The following UBE3D variants were observed in gnomAD, a reference collection of about 807,000 sequenced individuals.
UBE3D encodes the protein ubiquitin protein ligase E3D, also known as E3 ubiquitin-protein ligase E3D.
In UBE3D, 48 loss-of-function variants were observed where a neutral mutation model predicts 49.6. The observed-to-expected ratio is 0.97, with a 90% CI of 0.77 to 1.23. The LOEUF is 1.23. Among genes scored for constraint, UBE3D ranks in the 50% most tolerant of loss-of-function variants. The probability of loss-of-function intolerance (pLI) is 0.00; values close to 1 mark genes in which losing one functional copy is unlikely to be tolerated. For synonymous variants in UBE3D, 189 were observed against 174.2 expected (o/e 1.08, Z -0.67); for missense variants, 452 against 468.4 (o/e 0.96, Z 0.32).
intron 9 of UBE3D, among the ~76,000 whole-genome samples, chr6:82,930,340 C>T (rs1371911949): frequency 3.3e-5 from 5 of 152,106 alleles, no homozygotes; most frequent in Non-Finnish European, 7.3e-5. Flanking sequence ...TGAATTAATA[C>T]AGTAGATTGT....
At chr6:82,996,833 A>G (rs1445129047) in intron 8 of UBE3D, among the ~76,000 whole-genome samples, 4 of 152,240 alleles carry the variant, frequency 2.6e-5, no homozygotes, top group African/African-American at 9.6e-5. Flanking sequence ...TCTAGAGAAG[A>G]CAAAGGAGAT....
At chr6:82,958,504 G>T (rs1484245062) in intron 8 of UBE3D, among the ~76,000 whole-genome samples, 1 of 152,136 alleles carries the variant, frequency 6.6e-6, no homozygotes, top group Non-Finnish European at 1.5e-5. Flanking sequence ...AGTGGTTTGG[G>T]ACATAATGGA....
chr6:82,914,157 T>C (rs952754349), intron 9 of UBE3D, among the ~76,000 whole-genome samples: 1 of 152,192 alleles, frequency 6.6e-6, no homozygotes, highest in African/African-American at 2.4e-5. Context: ...GTATAGTGTG[T>C]TTAGGTGGTT....
chr6:82,945,068 G>A (rs912184374), intron 9 of UBE3D, among the ~76,000 whole-genome samples: 1 of 152,264 alleles, frequency 6.6e-6, no homozygotes, highest in Non-Finnish European at 1.5e-5. Context: ...ACACAAGGCT[G>A]CTGGCTTTAC....
At chr6:82,961,855 G>A (rs1478901346) in intron 8 of UBE3D, among the ~76,000 whole-genome samples, 6 of 151,830 alleles carry the variant, frequency 4.0e-5, no homozygotes, top group African/African-American at 7.3e-5. Context: ...CCAGCTACTC[G>A]GGAGGCTGAG....
chr6:82,944,512 C>T (rs1270777110), intron 9 of UBE3D, among the ~76,000 whole-genome samples: 1 of 152,200 alleles, frequency 6.6e-6, no homozygotes, highest in Non-Finnish European at 1.5e-5. Flanking sequence ...TTGCTGACTT[C>T]AGCTGAGACA....
chr6:82,932,088 T>C (rs1356781510), intron 9 of UBE3D, among the ~76,000 whole-genome samples: 2 of 152,180 alleles, frequency 1.3e-5, no homozygotes, highest in African/African-American at 4.8e-5. Flanking sequence ...GTGACATGTG[T>C]TCACTTCCCC....
intron 9 of UBE3D, among the ~76,000 whole-genome samples, chr6:82,950,348 CA>C (rs1251860587): frequency 6.6e-6 from 1 of 152,016 alleles, no homozygotes; most frequent in African/African-American, 2.4e-5. Context: ...GGCTTTTATC[CA>C]AAAGACAGGC....
intron 9 of UBE3D, among the ~76,000 whole-genome samples, chr6:82,936,583 T>A (rs1038412690): frequency 2.0e-5 from 3 of 152,202 alleles, no homozygotes; most frequent in African/African-American, 7.2e-5. Context: ...GCCAATTTAG[T>A]CTGTGCTCTG....
intron 4 of UBE3D, among the ~76,000 whole-genome samples, chr6:83,038,943 T>C (rs1782456887): frequency 6.6e-6 from 1 of 152,152 alleles, no homozygotes; most frequent in Non-Finnish European, 1.5e-5. Context: ...CCATAACCCT[T>C]AACTACAATA....
chr6:82,965,142 A>G (rs1776819826), intron 8 of UBE3D, among the ~76,000 whole-genome samples: 3 of 152,208 alleles, frequency 2.0e-5, no homozygotes, highest in African/African-American at 7.2e-5. Flanking sequence ...CATTGGGAAA[A>G]TGGTTCTCAT....
intron 8 of UBE3D, among the ~76,000 whole-genome samples, chr6:82,971,472 C>A (rs1777347563): frequency 6.6e-6 from 1 of 151,868 alleles, no homozygotes; most frequent in Non-Finnish European, 1.5e-5. Flanking sequence ...GGGCCAAACT[C>A]AGCTGACACT....
intron 9 of UBE3D, among the ~76,000 whole-genome samples, chr6:82,955,273 C>A (rs539572084): frequency 5.3e-5 from 8 of 152,306 alleles, no homozygotes; most frequent in Admixed American, 3.9e-4. Flanking sequence ...CTTTTAATTT[C>A]TTTAAGACTT....
At chr6:82,899,827 G>T (rs1254976686) in intron 9 of UBE3D, among the ~76,000 whole-genome samples, 3 of 152,154 alleles carry the variant, frequency 2.0e-5, no homozygotes, top group Non-Finnish European at 2.9e-5. Flanking sequence ...GATGCTCCCA[G>T]TCATATAAAG....
At position 82,957,329 on chromosome 6, in the gene UBE3D, G is replaced by C. The variant is rs143403921; in HGVS notation, c.1132C>G (p.Arg378Gly). 35 of 1,613,732 alleles carry C rather than the reference G, an allele frequency of 2.2e-5. 1 individual carries two copies. The highest frequency in any genetic ancestry group is 2.2e-5 in the South Asian group (2 of 90,996). The change falls in exon 9 of 10, where the codon CGT (arginine) becomes GGT (glycine). Residue 378 changes from arginine to glycine, a missense_variant. By Grantham distance (125) the Arg-to-Gly change is moderately radical (BLOSUM62 -2). Transcript: ENST00000369747. ...SNANLPSSLR[R>G]VNSFQVAFLK... ...TTGCTCACCTGAAAGGAATTCACACGGCGAAGGGATGAAGGCAGATTGGCA... is the reference window on the plus strand; with the variant it reads ...TTGCTCACCTGAAAGGAATTCACACCGCGAAGGGATGAAGGCAGATTGGCA...
At chr6:82,891,078 T>A (rs1472936990), downstream of UBE3D, among the ~76,000 whole-genome samples, 4 of 152,176 alleles carry the variant, frequency 2.6e-5, no homozygotes, top group African/African-American at 9.7e-5. Context: ...CATACTAAGC[T>A]TAGGCTACAT....
downstream of UBE3D, among the ~76,000 whole-genome samples, chr6:82,891,959 G>A (rs781225337): frequency 2.0e-5 from 3 of 152,114 alleles, no homozygotes; most frequent in Non-Finnish European, 4.4e-5. Flanking sequence ...CCCCAGAGGC[G>A]GAGCCTGCAG....
chr6:83,065,018 C>T (rs1784405152), intron 1 of UBE3D, among the ~76,000 whole-genome samples: 2 of 152,154 alleles, frequency 1.3e-5, no homozygotes, highest in African/African-American at 2.4e-5. Context: ...GAACATTTTT[C>T]CTAAAAGTTA....
At chr6:82,916,576 T>C (rs1297876200) in intron 9 of UBE3D, among the ~76,000 whole-genome samples, 1 of 152,198 alleles carries the variant, frequency 6.6e-6, no homozygotes, top group East Asian at 1.9e-4. Flanking sequence ...ACTTGAGATA[T>C]GTGAGTACTG....
Sources: gnomAD v4.1 joint callset for allele counts (sites outside exome capture counted in the v4.1 genomes callset) on GRCh38, gnomAD v4.1.1 for gene constraint, MANE v1.5 for transcripts, NCBI Gene and HGNC (gene_info 2026-07-23, HGNC 2026-07-21) for gene names.